ZNF354A: variants seen among roughly 807,000 people sequenced by gnomAD.
The protein encoded by ZNF354A is epididymis luminal protein 104.
A neutral mutation model predicts 53.3 loss-of-function variants in ZNF354A; 25 were observed. The ratio of observed to expected loss-of-function variants is 0.47; its 90% confidence interval spans 0.34 to 0.66. ZNF354A has a LOEUF of 0.66. Ranked by LOEUF, ZNF354A falls within the 30% of genes least tolerant of loss-of-function variation. The pLI, the probability that ZNF354A is intolerant of heterozygous loss-of-function variation, is 0.01. For missense variants in ZNF354A, 586 were observed against 716.8 expected, an observed-to-expected ratio of 0.82 and a Z score of 2.08; for synonymous variants, 228 against 249.0, an observed-to-expected ratio of 0.92 and a Z score of 0.79.
At chr5:178,713,999 C>T (rs1394938494) in intron 4 of ZNF354A, among the ~76,000 whole-genome samples, 2 of 135,886 alleles carry the variant, frequency 1.5e-5, no homozygotes, top group East Asian at 4.4e-4. Flanking sequence ...TTTTTTTTGA[C>T]ATTTATCTTC....
chr5:178,728,808 A>C (rs1581751540), intron 2 of ZNF354A, among the ~76,000 whole-genome samples, 182 bp downstream of exon 2: 13 of 113,220 alleles, frequency 1.1e-4, no homozygotes, highest in South Asian at 3.2e-4. Flanking sequence ...AAAGAGAACC[A>C]CTAGACACGG....
intron 4 of ZNF354A, among the ~76,000 whole-genome samples, chr5:178,716,631 T>C (rs1157017821): frequency 2.6e-5 from 4 of 152,030 alleles, no homozygotes; most frequent in African/African-American, 9.7e-5. Context: ...AAATAACAAG[T>C]ACGTAATAAA....
At chr5:178,726,471 T>G (rs752296475) in intron 3 of ZNF354A, among the ~76,000 whole-genome samples, 35 of 152,068 alleles carry the variant, frequency 2.3e-4, no homozygotes, top group Middle Eastern at 3.4e-3. Flanking sequence ...CTAATTTTTT[T>G]TGTGTTTTTT....
intron 2 of ZNF354A, among the ~76,000 whole-genome samples, chr5:178,728,500 T>C (rs1199486884): frequency 2.0e-5 from 3 of 151,944 alleles, no homozygotes; most frequent in Non-Finnish European, 4.4e-5. Flanking sequence ...CAGAAAATGA[T>C]TTATTCGGGC....
chr5:178,727,120 T>C lies in ZNF354A; in HGVS notation c.39A>G (p.Ser13=), dbSNP rs139346992. 8.1e-6 allele frequency: 13 copies of C among 1,613,298 alleles called. No homozygotes were observed. In the African/African-American group the frequency reaches 1.5e-4, roughly 18 times the overall value. Residue 13 remains serine (S), a synonymous_variant, in exon 3 of 5, where the codon TCA becomes TCG. Transcript: ENST00000335815. ...AGQREARPQV[S]LTFEDVAVLF... is the part of the protein sequence containing the mutation. ...GCACAGCCACATCCTCAAACGTCAG[T>C]GACACCTGTAAGGACAAGTCGTTCC...
At position 178,713,262 on chromosome 5, in the gene ZNF354A, G is replaced by T. The variant is rs1554093671; in HGVS notation, c.616C>A (p.Pro206Thr). 6.2e-7 allele frequency: 1 copy of T among 1,614,106 alleles called. No individual in the cohort carries two copies. Among genetic ancestry groups the T allele is most frequent in the Non-Finnish European group, 8.5e-7 (1 of 1,180,008 alleles). The change falls in exon 5 of 5, where the codon CCA becomes ACA. Residue 206 changes from proline to threonine, a missense_variant. Physicochemically the swap from Pro to Thr is conservative, Grantham distance 38. Coordinates refer to ENST00000335815, the MANE Select transcript of ZNF354A (RefSeq NM_005649.3). ...LKQNSQLLNQPKITADKRYKC... is the reference protein window; with the variant it reads ...LKQNSQLLNQTKITADKRYKC... ...TAGCGTTTATCTGCTGTAATTTTTGGTTGATTAAGTAATTGTGAATTCTGT... is the reference window on the plus strand; with the variant it reads ...TAGCGTTTATCTGCTGTAATTTTTGTTTGATTAAGTAATTGTGAATTCTGT...
rs115439170 is a variant in ZNF354A, at chr5:178,726,843, G to T, written c.160+156C>A. On this transcript the variant is annotated intron_variant, in intron 3 of 4. Coordinates refer to ENST00000335815, the MANE Select transcript of ZNF354A (RefSeq NM_005649.3). ...AGGGCAATTTCATGCCTATAAGGGGGAATAGGTTTTTAATGTTTATTTATA... is the reference window on the plus strand; with the variant it reads ...AGGGCAATTTCATGCCTATAAGGGGTAATAGGTTTTTAATGTTTATTTATA... Among the ~76,000 whole-genome samples the T allele has an allele frequency of 2.4e-3, 358 of 152,292 alleles. 2 individuals are homozygous for T. Among genetic ancestry groups the T allele is most frequent in the African/African-American group, 8.2e-3 (341 of 41,570 alleles).
At chr5:178,724,058 C>T (rs1386077412) in intron 4 of ZNF354A, among the ~76,000 whole-genome samples, 2 of 149,618 alleles carry the variant, frequency 1.3e-5, no homozygotes, top group African/African-American at 5.1e-5. Flanking sequence ...CCCCACCTGA[C>T]GACTTCACTC....
chr5:178,726,691 T>C (rs1765915308), intron 3 of ZNF354A, among the ~76,000 whole-genome samples: 1 of 152,190 alleles, frequency 6.6e-6, no homozygotes, highest in Non-Finnish European at 1.5e-5. Context: ...TGAAGCTCCC[T>C]GTTGGGAGAC....
In ZNF354A at chr5:178,713,684, T is replaced by TA. The variant is rs1262893598; in HGVS notation, c.257-64dup. The TA allele has an allele frequency of 3.4e-6, 5 of 1,482,620 alleles. No homozygotes were observed. The African/African-American group carries it at 7.0e-5, about 21-fold the overall frequency. The allele number at this position is 1,482,620 out of a possible 1,614,324, so 91.8% of individuals were successfully genotyped here. A position where few individuals can be genotyped will look rare whatever the true frequency, so the allele number is the denominator to read the frequency against. ...TATCATAGCATCTGACTACTGAGAC[T>TA]AAAAGTGTAGAAGGAATAAATATTG... On this transcript the variant is annotated intron_variant, in intron 4 of 4. Coordinates refer to ENST00000335815, the MANE Select transcript of ZNF354A (RefSeq NM_005649.3).
At chr5:178,729,418 C>G (rs1422077953) in intron 1 of ZNF354A, 7 of 198,100 alleles carry the variant, frequency 3.5e-5, no homozygotes, top group African/African-American at 1.7e-4. Context: ...GGGGCACCTG[C>G]CCCGTTCACG....
rs1765644065 is a variant in ZNF354A at position 178,712,757 on chromosome 5, C to A, written c.1121G>T (p.Arg374Ile). The A allele has an allele frequency of 5.0e-6, 8 of 1,613,952 alleles. No individual in the cohort carries two copies. Among genetic ancestry groups the A allele is most frequent in the Admixed American group, 1.7e-5 (1 of 60,002 alleles). Residue 374 changes from arginine to isoleucine, a missense_variant, in exon 5 of 5, where the codon AGA becomes ATA. Coordinates refer to ENST00000335815, the MANE Select transcript of ZNF354A (RefSeq NM_005649.3). ...KSSSSLRYHQ[R>I]IHTGEKPFKC... ...AAAAGGCTTCTCTCCAGTGTGAATT[C>A]TCTGATGATAACGAAGGGATGAGCT...
At chr5:178,721,796 A>T (rs1035820294) in intron 4 of ZNF354A, among the ~76,000 whole-genome samples, 1 of 152,142 alleles carries the variant, frequency 6.6e-6, no homozygotes, top group African/African-American at 2.4e-5. Context: ...GACCTACTCA[A>T]AAGAGCAGTT....
rs957941601 is a variant in ZNF354A at position 178,725,561 on chromosome 5, G to A, written c.161-90C>T. ...CCAAATTTAAATACAGAACTCACAG[G>A]ATGGTACAAAGAGCTTCTGTGTAGG... On this transcript the variant is annotated intron_variant, in intron 3 of 4. Coordinates refer to ENST00000335815, the MANE Select transcript of ZNF354A (RefSeq NM_005649.3). The A allele has an allele frequency of 5.1e-6, 7 of 1,382,444 alleles. 1 individual carries two copies. In the South Asian group the frequency reaches 7.2e-5, roughly 14 times the overall value. 85.6% of individuals were successfully genotyped at this position (1,382,444 alleles called of 1,614,324 possible).
At chr5:178,721,557 T>A (rs768971171) in intron 4 of ZNF354A, among the ~76,000 whole-genome samples, 2 of 152,230 alleles carry the variant, frequency 1.3e-5, no homozygotes, top group Middle Eastern at 3.2e-3. Flanking sequence ...TGTGCTGTTC[T>A]GCACTTATTC....
At position 178,725,263 on chromosome 5, in the gene ZNF354A, C is replaced by T; in HGVS notation, c.256+113G>A. On this transcript the variant is annotated intron_variant, in intron 4 of 4. Transcript: ENST00000335815. ...AGAGCCTGGGCTTCCGCTTCCCCAT[C>T]ACTTCTTGAGGCCTGAGAATTCTCA... is the stretch of plus-strand genomic sequence containing the variant. The T allele has an allele frequency of 7.9e-6, 8 of 1,016,398 alleles. No individual in the cohort carries two copies. The South Asian group carries it at 1.1e-4, about 13-fold the overall frequency. The allele number at this position is 1,016,398 out of a possible 1,614,324, so 63.0% of individuals were successfully genotyped here. A position where few individuals can be genotyped will look rare whatever the true frequency, so the allele number is the denominator to read the frequency against.
At chr5:178,722,596 T>C (rs1460881373) in intron 4 of ZNF354A, among the ~76,000 whole-genome samples, 3 of 152,202 alleles carry the variant, frequency 2.0e-5, no homozygotes, top group African/African-American at 7.2e-5. Context: ...TGGACATCCC[T>C]GGGACTGGTT....
rs1243966688 is a variant in ZNF354A, at chr5:178,728,663, G to A, written c.33+327C>T. On this transcript the variant is annotated intron_variant, in intron 2 of 4. Coordinates refer to ENST00000335815, the MANE Select transcript of ZNF354A (RefSeq NM_005649.3). ...AAAAAAAAACTTAGCCGGGCGTGAT[G>A]GCGGGAGCCTGTAATCCCAGCTACT... Among the ~76,000 whole-genome samples, 9 of 151,592 alleles carry A rather than the reference G, an allele frequency of 5.9e-5. No individual in the cohort carries two copies. The East Asian group carries it at 1.2e-3, about 20-fold the overall frequency.
At chr5:178,728,616 C>G (rs1765958101) in intron 2 of ZNF354A, among the ~76,000 whole-genome samples, 1 of 148,284 alleles carries the variant, frequency 6.7e-6, no homozygotes, top group Admixed American at 6.7e-5. Flanking sequence ...GTGGTGAAAC[C>G]CCATCTCTAA....
Sources: gnomAD v4.1 joint callset for allele counts (sites outside exome capture counted in the v4.1 genomes callset) on GRCh38, gnomAD v4.1.1 for gene constraint, MANE v1.5 for transcripts, NCBI Gene and HGNC (gene_info 2026-07-23, HGNC 2026-07-21) for gene names.